FES: variants seen among roughly 807,000 people sequenced by gnomAD.
FES encodes the protein tyrosine-protein kinase Fes/Fps.
In FES, 83 loss-of-function variants were observed where a neutral mutation model predicts 109.6. The observed-to-expected ratio is 0.76, with a 90% CI of 0.63 to 0.91. The LOEUF (loss-of-function observed/expected upper bound fraction) is 0.91. FES is among the 40% of genes least tolerant of loss of function. FES has a pLI of 0.00. For missense variants in FES, 943 were observed against 1,070.9 expected (o/e 0.88, Z 1.67); for synonymous variants, 458 against 442.1 (o/e 1.04, Z -0.45).
chr15:90,891,303 C>T, intron 11 of FES, 112 bp downstream of exon 11: 1 of 1,325,344 alleles, frequency 7.5e-7, no homozygotes, highest in Non-Finnish European at 1.0e-6. Context: ...TTGGATGCCT[C>T]CCTAGCAGGG....
intron 3 of FES, 75 bp from the exon 4 acceptor site, chr15:90,886,886 A>T: frequency 7.0e-7 from 1 of 1,430,410 alleles, no homozygotes; most frequent in East Asian, 2.3e-5. Flanking sequence ...GGACCTTTCC[A>T]GGGCTTCACC....
At position 90,889,994 on chromosome 15, in the gene FES, G is replaced by A; in HGVS notation, c.1049+32G>A. ...GGGCCCCTGCCTGCAGCAGCCTCCTGGGCCTCCCTCCCTCCTACCTACCCT... is the reference window on the plus strand; with the variant it reads ...GGGCCCCTGCCTGCAGCAGCCTCCTAGGCCTCCCTCCCTCCTACCTACCCT... On this transcript the variant is annotated intron_variant, in intron 8 of 18. Transcript: ENST00000328850. The surrounding 1 kb of genome is among the most constrained non-coding windows in gnomAD (Gnocchi z 6.1). 6.2e-7 allele frequency: 1 copy of A among 1,610,392 alleles called. No homozygotes were observed. Among genetic ancestry groups the A allele is most frequent in the Non-Finnish European group, 8.5e-7 (1 of 1,179,070 alleles).
chr15:90,886,918 C>A (rs774891906), intron 3 of FES, 43 bp from the exon 4 acceptor site: 2 of 1,583,922 alleles, frequency 1.3e-6, no homozygotes, highest in South Asian at 1.1e-5. Context: ...TCTTCCACAA[C>A]TGGGGACCTG....
At position 90,889,188 on chromosome 15, in the gene FES, T is replaced by C. The variant is rs1006729976; in HGVS notation, c.669-118T>C. 40 of 1,384,224 alleles carry C rather than the reference T, an allele frequency of 2.9e-5. No homozygotes were observed. Among genetic ancestry groups the C allele is most frequent in the Non-Finnish European group, 3.7e-5 (38 of 1,019,578 alleles). 85.7% of individuals were successfully genotyped at this position (1,384,224 alleles called of 1,614,324 possible). ...ATTTGCCTAGAGTGGCATGGCTAGCTCGAAGTGAGGCAGGGGTCAACCCCA... is the reference window on the plus strand; with the variant it reads ...ATTTGCCTAGAGTGGCATGGCTAGCCCGAAGTGAGGCAGGGGTCAACCCCA... On this transcript the variant is annotated intron_variant, in intron 5 of 18. Coordinates refer to ENST00000328850, the MANE Select transcript of FES (RefSeq NM_002005.4). The surrounding 1 kb of genome is among the most constrained non-coding windows in gnomAD (Gnocchi z 6.1).
At chr15:90,890,883 G>T in intron 10 of FES, 99 bp from the exon 11 acceptor site, 1 of 1,206,622 alleles carries the variant, frequency 8.3e-7, no homozygotes, top group Middle Eastern at 2.1e-4. Flanking sequence ...GGTTGTAAGG[G>T]CTGAGGGCAT....
In FES at chr15:90,895,639, G is replaced by A; in HGVS notation, c.*81G>A. On this transcript the variant is annotated 3_prime_UTR_variant, in exon 19 of 19. Transcript: ENST00000328850. Reference sequence around the variant, plus strand: ...AGCGGCTCCAGCTCATATGCTGACAGCTCTTCACAGTCCTGGACTCCTGCC... The same window carrying A: ...AGCGGCTCCAGCTCATATGCTGACAACTCTTCACAGTCCTGGACTCCTGCC... 7.7e-7 allele frequency: 1 copy of A among 1,304,350 alleles called. No individual in the cohort carries two copies. The highest frequency in any genetic ancestry group is 1.0e-6 in the Non-Finnish European group (1 of 974,812). The allele number at this position is 1,304,350 out of a possible 1,614,324, so 80.8% of individuals were successfully genotyped here.
chr15:90,891,764 G>A, intron 12 of FES, 88 bp downstream of exon 12: 4 of 1,562,358 alleles, frequency 2.6e-6, no homozygotes, highest in Non-Finnish European at 3.5e-6. Context: ...AGCAGAAAGG[G>A]CTTTCCAGGC....
chr15:90,885,063 G>C lies in FES; in HGVS notation c.18G>C (p.Glu6Asp). Residue 6 changes from glutamate to aspartate, a missense_variant, in exon 2 of 19, where the codon GAG (glutamate) becomes GAC (aspartate). By Grantham distance (45) the Glu-to-Asp change is conservative. Coordinates refer to ENST00000328850, the MANE Select transcript of FES (RefSeq NM_002005.4). The part of the protein sequence containing the change: MGFSS[E>D]LCSPQGHGVL... Reference sequence around the variant, plus strand: ...ACAGCACTATGGGCTTCTCTTCCGAGCTGTGCAGCCCCCAGGGCCACGGGG... The same window carrying C: ...ACAGCACTATGGGCTTCTCTTCCGACCTGTGCAGCCCCCAGGGCCACGGGG... The C allele has an allele frequency of 6.2e-7, 1 of 1,612,308 alleles. No individual in the cohort carries two copies. The highest frequency in any genetic ancestry group is 8.5e-7 in the Non-Finnish European group (1 of 1,179,692).
Position 90,895,604 on chromosome 15 carries a change from GCAGCT to G in FES, c.*48_*52del. ...GCTGGTGGCCTCTGCAGGCCTAGGT[GCAGCT>G]CCTCAGCGGCTCCAGCTCATATGCT... On this transcript the variant is annotated 3_prime_UTR_variant, in exon 19 of 19. Coordinates refer to ENST00000328850, the MANE Select transcript of FES (RefSeq NM_002005.4). 1 of 1,480,108 alleles carries G rather than the reference GCAGCT, an allele frequency of 6.8e-7. No individual in the cohort carries two copies. The highest frequency in any genetic ancestry group is 1.4e-5 in the African/African-American group (1 of 70,342). The allele number at this position is 1,480,108 out of a possible 1,614,324, so 91.7% of individuals were successfully genotyped here. A position where few individuals can be genotyped will look rare whatever the true frequency, so the allele number is the denominator to read the frequency against.
At position 90,893,702 on chromosome 15, in the gene FES, G is replaced by C; in HGVS notation, c.2094G>C (p.Lys698Asn). ...NCLVTEKNVL[K>N]ISDFGMSREE... The stretch of plus-strand genomic sequence containing the variant: ...TGGTGACAGAGAAGAATGTCCTGAA[G>C]ATCAGTGACTTTGGGATGTCCCGAG... The change falls in exon 17 of 19, where the codon AAG becomes AAC. Residue 698 changes from lysine (K) to asparagine (N), a missense_variant. Lys to Asn is a moderately conservative substitution (Grantham distance 94). Coordinates refer to ENST00000328850, the MANE Select transcript of FES (RefSeq NM_002005.4). The C allele has an allele frequency of 6.2e-7, 1 of 1,611,324 alleles. No individual in the cohort carries two copies. Among genetic ancestry groups the C allele is most frequent in the Non-Finnish European group, 8.5e-7 (1 of 1,178,860 alleles).
chr15:90,893,925 C>T lies in FES; in HGVS notation c.2204-11C>T, dbSNP rs1386128695. On this transcript the variant is annotated splice_polypyrimidine_tract_variant and intron_variant, in intron 17 of 18. Transcript: ENST00000328850. ...CACTCACGCTGCCTCACCTCCTCGC[C>T]TCCTCTGCAGGCCGCTACTCCTCCG... 19 of 1,613,370 alleles carry T rather than the reference C, an allele frequency of 1.2e-5. No individual in the cohort carries two copies. Among genetic ancestry groups the T allele is most frequent in the Non-Finnish European group, 1.4e-5 (17 of 1,179,988 alleles).
Position 90,890,494 on chromosome 15 carries a change from G to C in FES, c.1320+10G>C. Reference sequence around the variant, plus strand: ...CCGCCCCAAGTTCTCGGTGAGTGGCGCCCAGCCTGGGCCCCCCTACTGTTG... The same window carrying C: ...CCGCCCCAAGTTCTCGGTGAGTGGCCCCCAGCCTGGGCCCCCCTACTGTTG... On this transcript the variant is annotated intron_variant, in intron 10 of 18. Coordinates refer to ENST00000328850, the MANE Select transcript of FES (RefSeq NM_002005.4). 6.2e-7 allele frequency: 1 copy of C among 1,609,110 alleles called. No individual in the cohort carries two copies. Among genetic ancestry groups the C allele is most frequent in the Non-Finnish European group, 8.5e-7 (1 of 1,177,092 alleles).
rs532762805 is a variant in FES, at chr15:90,893,922, C to G, written c.2204-14C>G. The G allele has an allele frequency of 4.3e-6, 7 of 1,613,364 alleles. No homozygotes were observed. The highest frequency in any genetic ancestry group is 5.1e-6 in the Non-Finnish European group (6 of 1,179,934). ...GTGCACTCACGCTGCCTCACCTCCT[C>G]GCCTCCTCTGCAGGCCGCTACTCCT... On this transcript the variant is annotated splice_polypyrimidine_tract_variant and intron_variant, in intron 17 of 18. Coordinates refer to ENST00000328850, the MANE Select transcript of FES (RefSeq NM_002005.4).
In FES at chr15:90,890,173, G is replaced by T. The variant is rs1437882458; in HGVS notation, c.1131G>T (p.Leu377=). 1.2e-6 allele frequency: 2 copies of T among 1,600,628 alleles called. No individual in the cohort carries two copies. Among genetic ancestry groups the T allele is most frequent in the Admixed American group, 3.4e-5 (2 of 59,488 alleles). Residue 377 remains leucine, a synonymous_variant, in exon 9 of 19, where the codon CTG becomes CTT. Coordinates refer to ENST00000328850, the MANE Select transcript of FES (RefSeq NM_002005.4). ...LQVALCSQAK[L]QAQQELLQTK... is the part of the protein sequence containing the mutation. ...TAGCGCTGTGCAGCCAGGCCAAGCT[G>T]CAGGCCCAGCAGGAGTTGCTGCAGA...
intron 18 of FES, among the ~76,000 whole-genome samples, chr15:90,894,353 G>C (rs1409753554): frequency 6.6e-6 from 1 of 152,194 alleles, no homozygotes; most frequent in Admixed American, 6.5e-5. Flanking sequence ...GGGAGGCCGA[G>C]GCAGGTGGAT....
chr15:90,887,451 A>C, intron 5 of FES, 81 bp downstream of exon 5: 1 of 1,406,924 alleles, frequency 7.1e-7, no homozygotes, highest in Non-Finnish European at 9.5e-7. Flanking sequence ...CAGGACCCAG[A>C]AAATCCATTG....
At chr15:90,893,631 A>C in intron 16 of FES, 23 bp from the exon 17 acceptor site, 1 of 1,543,714 alleles carries the variant, frequency 6.5e-7, no homozygotes. Context: ...TGGCCAAATG[A>C]GCCCCTGCCC....
chr15:90,892,951 C>A, intron 14 of FES, 126 bp downstream of exon 14: 2 of 1,315,436 alleles, frequency 1.5e-6, no homozygotes, highest in Non-Finnish European at 1.1e-6. Flanking sequence ...GCGGGTAGTA[C>A]CCCCTTATAG....
chr15:90,884,671 G>A, intron 1 of FES, 127 bp downstream of exon 1: 1 of 173,444 alleles, frequency 5.8e-6, no homozygotes, highest in Non-Finnish European at 1.2e-5. Flanking sequence ...GGGCGGGGAT[G>A]GCCGCAGGGG....
Sources: gnomAD v4.1 joint callset for allele counts (sites outside exome capture counted in the v4.1 genomes callset) on GRCh38, gnomAD v4.1.1 for gene constraint, Gnocchi (gnomAD v3.1) non-coding constraint, MANE v1.5 for transcripts, NCBI Gene and HGNC (gene_info 2026-07-23, HGNC 2026-07-21) for gene names.